The following BTBD9 variants were observed in gnomAD, a reference collection of about 807,000 sequenced individuals.
The protein encoded by BTBD9 is BTB/POZ domain-containing protein 9.
Under a neutral mutation model 64.3 loss-of-function variants are expected in BTBD9, and 49 were observed. That is an observed-to-expected ratio of 0.76 (90% CI 0.61 to 0.97). The LOEUF (loss-of-function observed/expected upper bound fraction) is 0.97, where lower values mean the gene tolerates loss of function less well. Among genes scored for constraint, BTBD9 ranks in the 50% least tolerant of loss-of-function variants. The pLI, the probability that BTBD9 is intolerant of heterozygous loss-of-function variation, is 0.00. For missense variants in BTBD9, 598 were observed against 762.1 expected (o/e 0.78, Z 2.53); for synonymous variants, 260 against 274.7 (o/e 0.95, Z 0.53).
chr6:38,219,123 T>C (rs1425996694), intron 9 of BTBD9, among the ~76,000 whole-genome samples: 1 of 119,056 alleles, frequency 8.4e-6, no homozygotes, highest in African/African-American at 2.9e-5. Context: ...ACTATCACTT[T>C]CTTTTCTTTT....
intron 6 of BTBD9, among the ~76,000 whole-genome samples, chr6:38,460,902 T>G (rs1471650947): frequency 1.3e-5 from 2 of 152,096 alleles, no homozygotes; most frequent in Non-Finnish European, 2.9e-5. Context: ...AGATTACAGG[T>G]GTGAGCCACC....
chr6:38,374,501 C>T (rs1215471345), intron 6 of BTBD9, among the ~76,000 whole-genome samples: 1 of 151,286 alleles, frequency 6.6e-6, no homozygotes, highest in African/African-American at 2.4e-5. Flanking sequence ...CTCTCTGACA[C>T]TTCAGCCTCC....
intron 6 of BTBD9, among the ~76,000 whole-genome samples, chr6:38,408,544 C>T (rs1767272073): frequency 6.6e-6 from 1 of 152,144 alleles, no homozygotes; most frequent in Non-Finnish European, 1.5e-5. Flanking sequence ...TCCAAGACTG[C>T]CACATTGACA....
chr6:38,303,566 T>C (rs190802757), intron 7 of BTBD9, among the ~76,000 whole-genome samples: 144 of 151,964 alleles, frequency 9.5e-4, no homozygotes, highest in African/African-American at 3.2e-3. Flanking sequence ...TTGTCTCTGT[T>C]TACTCTGTGT....
chr6:38,230,693 A>C (rs1337460667), intron 9 of BTBD9, among the ~76,000 whole-genome samples: 1 of 152,046 alleles, frequency 6.6e-6, no homozygotes, highest in Non-Finnish European at 1.5e-5. Flanking sequence ...CTTGGGAAGC[A>C]CAAGCCATCC....
At chr6:38,590,838 T>C (rs1776760376) in intron 4 of BTBD9, among the ~76,000 whole-genome samples, 1 of 152,212 alleles carries the variant, frequency 6.6e-6, no homozygotes, top group Non-Finnish European at 1.5e-5. Context: ...TTCTGGCTTC[T>C]TAGATTTGAT....
intron 6 of BTBD9, among the ~76,000 whole-genome samples, chr6:38,398,641 A>T (rs1766796115): frequency 6.6e-6 from 1 of 152,174 alleles, no homozygotes; most frequent in Admixed American, 6.5e-5. Context: ...TCATAGGCAC[A>T]CAGGTCCAGA....
chr6:38,621,385 G>A (rs765420100), intron 1 of BTBD9, among the ~76,000 whole-genome samples: 8 of 152,158 alleles, frequency 5.3e-5, no homozygotes, highest in Admixed American at 1.3e-4. Flanking sequence ...GACTTATGCC[G>A]CCTGAGAGGA....
At chr6:38,532,763 C>T (rs1029373224) in intron 6 of BTBD9, among the ~76,000 whole-genome samples, 1 of 151,902 alleles carries the variant, frequency 6.6e-6, no homozygotes, top group African/African-American at 2.4e-5. Flanking sequence ...GCCCTTGGAC[C>T]CTGAATAACC....
chr6:38,291,270 T>C (rs1761943236), intron 7 of BTBD9, among the ~76,000 whole-genome samples: 1 of 152,136 alleles, frequency 6.6e-6, no homozygotes, highest in Non-Finnish European at 1.5e-5. Context: ...TGAATGGGAG[T>C]TCACTCATGA....
Position 38,187,118 on chromosome 6 carries a change from G to C in BTBD9, c.1641+5401C>G, listed in dbSNP as rs150598958. The stretch of plus-strand genomic sequence containing the variant: ...AGTAACATGAAATGGAAGGGTTTCT[G>C]GGAGACCCCGCACATCAGAACCAGT... On this transcript the variant is annotated intron_variant, in intron 10 of 10. Transcript: ENST00000481247. 9.2e-5 allele frequency among the ~76,000 whole-genome samples: 14 copies of C among 152,316 alleles called. No individual in the cohort carries two copies. In the East Asian group the frequency reaches 2.5e-3, roughly 27 times the overall value.
At chr6:38,358,817 TGC>T in intron 6 of BTBD9, among the ~76,000 whole-genome samples, 1 of 151,216 alleles carries the variant, frequency 6.6e-6, no homozygotes, top group Non-Finnish European at 1.5e-5. Flanking sequence ...CAGGCCGGAC[TGC>T]GGACTGCAGT....
intron 6 of BTBD9, among the ~76,000 whole-genome samples, chr6:38,412,598 C>G (rs951936769): frequency 2.0e-5 from 3 of 151,634 alleles, no homozygotes; most frequent in Non-Finnish European, 4.4e-5. Context: ...GTGGCTCACA[C>G]CTGTAATACC....
At chr6:38,603,889 T>C (rs1271149052) in intron 1 of BTBD9, among the ~76,000 whole-genome samples, 1 of 152,256 alleles carries the variant, frequency 6.6e-6, no homozygotes, top group Non-Finnish European at 1.5e-5. Context: ...GCTGTGTAAT[T>C]TGAAGTAGTA....
chr6:38,399,501 T>C (rs950125016), intron 6 of BTBD9, among the ~76,000 whole-genome samples: 1 of 152,196 alleles, frequency 6.6e-6, no homozygotes, highest in Admixed American at 6.5e-5. Flanking sequence ...AGGTTACCAG[T>C]AACTAATAAA....
intron 9 of BTBD9, among the ~76,000 whole-genome samples, chr6:38,232,592 T>C (rs1390391777): frequency 1.3e-5 from 2 of 152,134 alleles, no homozygotes; most frequent in Non-Finnish European, 1.5e-5. Context: ...AGATTTGTTA[T>C]TGGACTTTCT....
chr6:38,345,191 C>A, intron 6 of BTBD9, 98 bp from the exon 7 acceptor site: 1 of 695,010 alleles, frequency 1.4e-6, no homozygotes, highest in Non-Finnish European at 2.4e-6. Flanking sequence ...ACATAGAGTG[C>A]ACCAGGATAT....
chr6:38,399,883 C>G (rs776054541), intron 6 of BTBD9, among the ~76,000 whole-genome samples: 1 of 151,868 alleles, frequency 6.6e-6, no homozygotes, highest in Non-Finnish European at 1.5e-5. Context: ...TGCAGAGTAG[C>G]TGGGATTATG....
intron 7 of BTBD9, among the ~76,000 whole-genome samples, chr6:38,291,595 C>A (rs1761956147): frequency 6.6e-6 from 1 of 152,116 alleles, no homozygotes; most frequent in Non-Finnish European, 1.5e-5. Context: ...ATGCTTCCAG[C>A]TTTTGCCCAT....
Sources: gnomAD v4.1 joint callset for allele counts (sites outside exome capture counted in the v4.1 genomes callset) on GRCh38, gnomAD v4.1.1 for gene constraint, MANE v1.5 for transcripts, NCBI Gene and HGNC (gene_info 2026-07-23, HGNC 2026-07-21) for gene names.